EXOC6B: variants seen among roughly 807,000 people sequenced by gnomAD.
EXOC6B encodes SEC15 homolog B.
In EXOC6B, 54 loss-of-function variants were observed where a neutral mutation model predicts 113.5. The observed-to-expected ratio is 0.48, with a 90% CI of 0.38 to 0.60. The LOEUF is 0.60. Ranked by LOEUF, EXOC6B falls within the 20% of genes least tolerant of loss-of-function variation. EXOC6B has a pLI of 0.00. For missense variants in EXOC6B, 797 were observed against 977.5 expected (o/e 0.82, Z 2.46); for synonymous variants, 357 against 339.0 (o/e 1.05, Z -0.58).
At chr2:72,405,823 T>A (rs1693712717) in intron 18 of EXOC6B, among the ~76,000 whole-genome samples, 1 of 152,186 alleles carries the variant, frequency 6.6e-6, no homozygotes, top group African/African-American at 2.4e-5. Flanking sequence ...GCTAACATCA[T>A]AATGACAGGA....
chr2:72,179,383 G>A lies in EXOC6B; in HGVS notation c.2388C>T (p.Asp796=). Reference sequence around the variant, plus strand: ...GTCCTCGGAGCTGCTTGGCCACGGTGTCAATGAGTTTCTGCTTGTCTCGCT... The same window carrying A: ...GTCCTCGGAGCTGCTTGGCCACGGTATCAATGAGTTTCTGCTTGTCTCGCT... ...KNERDKQKLI[D]TVAKQLRGLI... is the part of the protein sequence containing the mutation. The change falls in exon 22 of 22, where the codon GAC becomes GAT. Residue 796 remains aspartate (D), a synonymous_variant. Coordinates refer to ENST00000272427, the MANE Select transcript of EXOC6B (RefSeq NM_015189.3). 1 of 1,613,658 alleles carries A rather than the reference G, an allele frequency of 6.2e-7. No homozygotes were observed. Among genetic ancestry groups the A allele is most frequent in the Non-Finnish European group, 8.5e-7 (1 of 1,179,814 alleles).
chr2:72,527,966 A>G (rs769478006), intron 8 of EXOC6B, among the ~76,000 whole-genome samples: 2 of 151,816 alleles, frequency 1.3e-5, no homozygotes, highest in African/African-American at 2.4e-5. Flanking sequence ...TGGATATATG[A>G]TTTGCAAATA....
chr2:72,664,638 G>A (rs1270485297), intron 6 of EXOC6B, among the ~76,000 whole-genome samples: 1 of 152,218 alleles, frequency 6.6e-6, no homozygotes, highest in Non-Finnish European at 1.5e-5. Context: ...ATCTTCTTGT[G>A]AGTAGCTCTA....
At position 72,285,004 on chromosome 2, in the gene EXOC6B, T is replaced by C. The variant is rs181659393; in HGVS notation, c.2196+49943A>G. 4.1e-3 allele frequency among the ~76,000 whole-genome samples: 619 copies of C among 152,210 alleles called. 5 individuals are homozygous for C. Among genetic ancestry groups the C allele is most frequent in the African/African-American group, 6.8e-3 (284 of 41,570 alleles). ...TAACAAATAAATGAGTTATTTCATA[T>C]TCATGGATAGGAAGACAATATTGTC... On this transcript the variant is annotated intron_variant, in intron 20 of 21. Transcript: ENST00000272427.
intron 18 of EXOC6B, among the ~76,000 whole-genome samples, chr2:72,446,647 G>C (rs550952952): frequency 2.0e-5 from 3 of 152,168 alleles, no homozygotes; most frequent in African/African-American, 4.8e-5. Context: ...AGAAGGAGCA[G>C]AGCAGAAAAA....
At chr2:72,727,865 T>A (rs1680400243) in intron 5 of EXOC6B, among the ~76,000 whole-genome samples, 1 of 151,892 alleles carries the variant, frequency 6.6e-6, no homozygotes, top group Non-Finnish European at 1.5e-5. Flanking sequence ...AGACAATATA[T>A]AACAGGAAAA....
rs554100969 is a variant in EXOC6B at position 72,293,593 on chromosome 2, A to T, written c.2196+41354T>A. Reference sequence around the variant, plus strand: ...TGAGATGGGCCATCCACACTCAAAAATAGGGCTAATAGGTATCTGGTTTTT... The same window carrying T: ...TGAGATGGGCCATCCACACTCAAAATTAGGGCTAATAGGTATCTGGTTTTT... On this transcript the variant is annotated intron_variant, in intron 20 of 21. Transcript: ENST00000272427. Among the ~76,000 whole-genome samples, 6 of 152,266 alleles carry T rather than the reference A, an allele frequency of 3.9e-5. No homozygotes were observed. The East Asian group carries it at 1.2e-3, about 29-fold the overall frequency.
chr2:72,347,451 T>C (rs1417919943), intron 19 of EXOC6B, among the ~76,000 whole-genome samples: 17 of 152,296 alleles, frequency 1.1e-4, no homozygotes. Context: ...AATTTTACAT[T>C]GAGAAAGCAT....
At chr2:72,564,146 C>T (rs538439954) in intron 7 of EXOC6B, among the ~76,000 whole-genome samples, 4 of 152,130 alleles carry the variant, frequency 2.6e-5, no homozygotes, top group East Asian at 1.9e-4. Context: ...AGAAGAGGAG[C>T]GATATACTAT....
chr2:72,594,547 C>T (rs1669947094), intron 6 of EXOC6B, among the ~76,000 whole-genome samples: 1 of 152,126 alleles, frequency 6.6e-6, no homozygotes, highest in South Asian at 2.1e-4. Flanking sequence ...GATGTACCTC[C>T]AAAGAAAGAC....
At chr2:72,801,285 AC>A (rs1329072644) in intron 1 of EXOC6B, among the ~76,000 whole-genome samples, 1 of 152,220 alleles carries the variant, frequency 6.6e-6, no homozygotes, top group Admixed American at 6.5e-5. Flanking sequence ...TTGATAACAT[AC>A]ATAAATATTT....
intron 18 of EXOC6B, among the ~76,000 whole-genome samples, chr2:72,424,117 G>T (rs996942549): frequency 7.2e-6 from 1 of 139,488 alleles, no homozygotes; most frequent in Admixed American, 6.7e-5. Context: ...TGTTATTTTT[G>T]CCCTCTTATT....
chr2:72,575,960 A>G (rs949286266), intron 6 of EXOC6B, among the ~76,000 whole-genome samples: 1 of 152,110 alleles, frequency 6.6e-6, no homozygotes, highest in Non-Finnish European at 1.5e-5. Flanking sequence ...ATATCATCAT[A>G]AGGCTTTTCA....
At chr2:72,793,898 T>C (rs1032675473) in intron 1 of EXOC6B, among the ~76,000 whole-genome samples, 1 of 152,096 alleles carries the variant, frequency 6.6e-6, no homozygotes, top group Non-Finnish European at 1.5e-5. Context: ...AAATAGTATG[T>C]AGAGACATAT....
At chr2:72,487,430 G>A (rs1478160331) in intron 16 of EXOC6B, among the ~76,000 whole-genome samples, 2 of 152,038 alleles carry the variant, frequency 1.3e-5, no homozygotes, top group Non-Finnish European at 2.9e-5. Flanking sequence ...GCACAATCTC[G>A]GCTCACTGCA....
At chr2:72,691,473 A>G (rs965275104) in intron 6 of EXOC6B, among the ~76,000 whole-genome samples, 10 of 152,244 alleles carry the variant, frequency 6.6e-5, no homozygotes, top group South Asian at 4.1e-4. Context: ...CTGAACACAC[A>G]ACATAGTTTA....
chr2:72,446,051 T>C (rs1420851593), intron 18 of EXOC6B, among the ~76,000 whole-genome samples: 2 of 152,194 alleles, frequency 1.3e-5, no homozygotes, highest in Non-Finnish European at 2.9e-5. Flanking sequence ...TTGGGGAGTG[T>C]AAATTAGTTC....
At chr2:72,640,270 A>C (rs1673132118) in intron 6 of EXOC6B, among the ~76,000 whole-genome samples, 1 of 152,234 alleles carries the variant, frequency 6.6e-6, no homozygotes, top group East Asian at 1.9e-4. Context: ...AAAGAATCTC[A>C]GAGCTTGAAG....
chr2:72,286,095 C>T (rs1276967527), intron 20 of EXOC6B, among the ~76,000 whole-genome samples: 1 of 152,116 alleles, frequency 6.6e-6, no homozygotes, highest in Admixed American at 6.5e-5. Context: ...TGGTTTCTTA[C>T]AAAACTAAAC....
Sources: gnomAD v4.1 joint callset for allele counts (sites outside exome capture counted in the v4.1 genomes callset) on GRCh38, gnomAD v4.1.1 for gene constraint, MANE v1.5 for transcripts, NCBI Gene and HGNC (gene_info 2026-07-23, HGNC 2026-07-21) for gene names.